TASP1: variants seen among roughly 807,000 people sequenced by gnomAD.
TASP1 encodes taspase 1.
Under a neutral mutation model 56.6 loss-of-function variants are expected in TASP1, and 16 were observed. The ratio of observed to expected loss-of-function variants is 0.28; its 90% CI spans 0.19 to 0.43. The LOEUF is 0.43. TASP1 is among the 20% of genes least tolerant of loss of function. TASP1 has a pLI of 1.00. For missense variants in TASP1, 393 were observed against 511.6 expected (o/e 0.77, Z 2.24); for synonymous variants, 179 against 184.2 (o/e 0.97, Z 0.23).
the TASP1 span, among the ~76,000 whole-genome samples, chr20:13,233,049 G>T: frequency 5.3e-5 from 8 of 152,038 alleles, no homozygotes; most frequent in East Asian, 1.5e-3. Flanking sequence ...AAACAGGCCG[G>T]AAAAGTGTCC....
chr20:13,625,936 T>C lies in TASP1; in HGVS notation c.146-684A>G, dbSNP rs551742543. Among the ~76,000 whole-genome samples, 22 of 152,302 alleles carry C rather than the reference T, an allele frequency of 1.4e-4. 1 individual carries two copies. The highest frequency in any genetic ancestry group is 1.6e-4 in the Non-Finnish European group (11 of 68,026). ...AAGAGAATGGCTCTGAATAAAATGG[T>C]TTCCCTACAAGGATACATAACTTGC... On this transcript the variant is annotated intron_variant, in intron 2 of 13. Transcript: ENST00000337743.
the TASP1 span, among the ~76,000 whole-genome samples, chr20:13,314,064 A>G: frequency 6.6e-6 from 1 of 152,224 alleles, no homozygotes; most frequent in Non-Finnish European, 1.5e-5. Context: ...ACATCTCAAT[A>G]GAAACCACCA....
At chr20:13,633,395 G>A (rs935625750) in intron 1 of TASP1, among the ~76,000 whole-genome samples, 9 of 152,012 alleles carry the variant, frequency 5.9e-5, no homozygotes, top group African/African-American at 1.7e-4. Context: ...TGAAACTTTC[G>A]AATTTGAACC....
chr20:13,144,861 G>A, the TASP1 span, among the ~76,000 whole-genome samples: 19 of 152,214 alleles, frequency 1.2e-4, no homozygotes, highest in South Asian at 8.3e-4. Context: ...TGCAAGCTCC[G>A]CCTCCCAGGT....
chr20:13,579,525 G>A (rs1192086696), intron 6 of TASP1, among the ~76,000 whole-genome samples: 3 of 151,956 alleles, frequency 2.0e-5, no homozygotes, highest in African/African-American at 4.8e-5. Flanking sequence ...CACCATACCC[G>A]GCTAATTTTT....
chr20:13,220,644 C>T, the TASP1 span, among the ~76,000 whole-genome samples: 3 of 152,250 alleles, frequency 2.0e-5, no homozygotes, highest in African/African-American at 7.2e-5. Flanking sequence ...GTCGGACTCC[C>T]CTCCCTTCCC....
the TASP1 span, chr20:13,238,973 A>T: frequency 1.3e-5 from 2 of 152,388 alleles, no homozygotes; most frequent in East Asian, 3.9e-4. Context: ...TACATTCAGG[A>T]AGACACGAAC....
At chr20:13,361,761 C>T in the TASP1 span, among the ~76,000 whole-genome samples, 1 of 152,014 alleles carries the variant, frequency 6.6e-6, no homozygotes, top group South Asian at 2.1e-4. Flanking sequence ...TGCCAGTTTA[C>T]ACTGTTTTTC....
At chr20:13,315,737 C>A in the TASP1 span, among the ~76,000 whole-genome samples, 1 of 151,882 alleles carries the variant, frequency 6.6e-6, no homozygotes, top group African/African-American at 2.4e-5. Context: ...CCAGGACAGA[C>A]CACATACTGG....
At chr20:13,526,551 T>C (rs574611763) in intron 10 of TASP1, among the ~76,000 whole-genome samples, 2 of 152,352 alleles carry the variant, frequency 1.3e-5, no homozygotes, top group Non-Finnish European at 2.9e-5. Context: ...ATTATGCTCA[T>C]TTCTTCAAAA....
At chr20:13,394,307 C>CAAAAAAAAAAAAAAAAAAAAAAAAAAAA (rs57418361) in intron 13 of TASP1, among the ~76,000 whole-genome samples, 1 of 42,946 alleles carries the variant, frequency 2.3e-5, no homozygotes, top group African/African-American at 9.2e-5. Context: ...CACTCCCTCT[C>CAAAAAAAAAAAAAAAAAAAAAAAAAAAA]AAAAAAAAAA....
At chr20:13,224,165 T>G in the TASP1 span, among the ~76,000 whole-genome samples, 1 of 152,150 alleles carries the variant, frequency 6.6e-6, no homozygotes, top group African/African-American at 2.4e-5. Flanking sequence ...TAGTGTTCGG[T>G]GAGACTGTCC....
At chr20:13,304,438 T>C in the TASP1 span, among the ~76,000 whole-genome samples, 2 of 152,196 alleles carry the variant, frequency 1.3e-5, no homozygotes, top group South Asian at 2.1e-4. Context: ...TCCTTGTCTA[T>C]AAATTGGGGT....
the TASP1 span, among the ~76,000 whole-genome samples, chr20:13,370,508 A>G: frequency 6.6e-6 from 1 of 152,020 alleles, no homozygotes. Context: ...ATTTATGTTA[A>G]TACTAAGGAA....
chr20:13,398,806 A>T (rs993650848), intron 13 of TASP1, among the ~76,000 whole-genome samples: 3 of 152,156 alleles, frequency 2.0e-5, no homozygotes, highest in African/African-American at 7.2e-5. Context: ...TTGAGGTAAG[A>T]ATAATAACTC....
the TASP1 span, among the ~76,000 whole-genome samples, chr20:13,146,803 G>C: frequency 6.6e-6 from 1 of 152,158 alleles, no homozygotes; most frequent in Non-Finnish European, 1.5e-5. Context: ...ATAACTCCGT[G>C]AATGATGGAA....
At chr20:13,362,484 GAGA>G in the TASP1 span, among the ~76,000 whole-genome samples, 11 of 137,386 alleles carry the variant, frequency 8.0e-5, 2 homozygotes, top group South Asian at 2.2e-4. Flanking sequence ...TGAGCACCTT[GAGA>G]CCCCCACTCC....
intron 4 of TASP1, among the ~76,000 whole-genome samples, chr20:13,607,407 AATAAT>A (rs2048196554): frequency 1.3e-5 from 2 of 152,350 alleles, no homozygotes; most frequent in Admixed American, 6.5e-5. Flanking sequence ...GAAGGCATAA[AATAAT>A]ATAAGAACTG....
At chr20:13,142,459 C>T in the TASP1 span, among the ~76,000 whole-genome samples, 3 of 152,290 alleles carry the variant, frequency 2.0e-5, no homozygotes, top group African/African-American at 7.2e-5. Flanking sequence ...ACTGGTATTC[C>T]ACACTGGCCT....
Sources: gnomAD v4.1 joint callset for allele counts (sites outside exome capture counted in the v4.1 genomes callset) on GRCh38, gnomAD v4.1.1 for gene constraint, MANE v1.5 for transcripts, NCBI Gene and HGNC (gene_info 2026-07-23, HGNC 2026-07-21) for gene names.